The following TMEM255B variants were observed in gnomAD, a reference collection of about 807,000 sequenced individuals.
The protein encoded by TMEM255B is family with sequence similarity 70, member B.
Under a neutral mutation model 34.5 loss-of-function variants are expected in TMEM255B, and 35 were observed. That is an observed-to-expected ratio of 1.01 (90% CI 0.77 to 1.34). TMEM255B has a LOEUF of 1.34. TMEM255B is among the 40% of genes most tolerant of loss of function. The probability of loss-of-function intolerance (pLI) is 0.00; values close to 1 mark genes in which losing one functional copy is unlikely to be tolerated. For missense variants in TMEM255B, 432 were observed against 433.2 expected, an observed-to-expected ratio of 1.00 and a Z score of 0.02; for synonymous variants, 206 against 201.2, an observed-to-expected ratio of 1.02 and a Z score of -0.20.
chr13:113,801,249 C>T (rs931785972), intron 6 of TMEM255B, among the ~76,000 whole-genome samples: 9 of 152,226 alleles, frequency 5.9e-5, no homozygotes, highest in Non-Finnish European at 8.8e-5. Context: ...CCGTGTGTGT[C>T]GGGCGAGAGT....
intron 2 of TMEM255B, among the ~76,000 whole-genome samples, chr13:113,767,505 G>A (rs1188632573): frequency 6.6e-6 from 1 of 152,092 alleles, no homozygotes; most frequent in African/African-American, 2.4e-5. Flanking sequence ...TTTTTGGTTT[G>A]TCCTCAAGCT....
chr13:113,804,223 T>C (rs1461898015), intron 7 of TMEM255B, among the ~76,000 whole-genome samples: 1 of 152,040 alleles, frequency 6.6e-6, no homozygotes, highest in African/African-American at 2.4e-5. Context: ...AGCACCTTCT[T>C]TGGAGAATTT....
intron 8 of TMEM255B, among the ~76,000 whole-genome samples, chr13:113,808,811 T>G (rs1475274814): frequency 3.1e-5 from 3 of 96,126 alleles, no homozygotes; most frequent in Non-Finnish European, 5.9e-5. Flanking sequence ...GGTTACTCCA[T>G]GTTTCCTGGG....
At chr13:113,778,168 A>AGAACC (rs1272527380) in intron 3 of TMEM255B, among the ~76,000 whole-genome samples, 6 of 152,256 alleles carry the variant, frequency 3.9e-5, no homozygotes, top group Non-Finnish European at 8.8e-5. Context: ...CCTGTCTGGC[A>AGAACC]GAACCCTGCA....
At chr13:113,774,578 ACAC>A (rs762498067) in intron 3 of TMEM255B, among the ~76,000 whole-genome samples, 1 of 106,274 alleles carries the variant, frequency 9.4e-6, no homozygotes, top group Non-Finnish European at 2.0e-5. Flanking sequence ...CACATGACAC[ACAC>A]ACCACACAAC....
chr13:113,798,378 G>GGATGGAT (rs962087980), intron 4 of TMEM255B, among the ~76,000 whole-genome samples: 1 of 151,778 alleles, frequency 6.6e-6, no homozygotes, highest in African/African-American at 2.4e-5. Context: ...GATGGATAAT[G>GGATGGAT]GATGGATGAT....
chr13:113,763,469 C>T (rs2050340004), intron 1 of TMEM255B, among the ~76,000 whole-genome samples: 1 of 152,198 alleles, frequency 6.6e-6, no homozygotes, highest in Admixed American at 6.5e-5. Context: ...GATCTGTCGC[C>T]ATCGCTCCTG....
intron 3 of TMEM255B, among the ~76,000 whole-genome samples, chr13:113,772,995 T>C (rs960793985): frequency 6.6e-6 from 1 of 152,122 alleles, no homozygotes; most frequent in African/African-American, 2.4e-5. Context: ...TAGGGAGTGT[T>C]ACCATCTTAA....
At chr13:113,808,540 G>T (rs1327217098) in intron 8 of TMEM255B, among the ~76,000 whole-genome samples, 2 of 150,668 alleles carry the variant, frequency 1.3e-5, no homozygotes, top group Non-Finnish European at 2.9e-5. Context: ...TTACTTTGTG[G>T]TCCTGGGGGG....
intron 7 of TMEM255B, chr13:113,802,936 A>G (rs1426932618): frequency 2.0e-5 from 3 of 147,844 alleles, no homozygotes; most frequent in Admixed American, 1.3e-4. Context: ...TGGGGTCGGG[A>G]AGGGTCTCTG....
chr13:113,768,749 C>A, intron 2 of TMEM255B: 1 of 427,984 alleles, frequency 2.3e-6, no homozygotes. Flanking sequence ...CATCTCAGGC[C>A]TGGAGAAGAC....
intron 8 of TMEM255B, among the ~76,000 whole-genome samples, chr13:113,805,799 C>T (rs992592056): frequency 1.3e-5 from 2 of 152,168 alleles, no homozygotes; most frequent in Non-Finnish European, 2.9e-5. Flanking sequence ...CGTGTGCCCC[C>T]GGGGACACAG....
At position 113,779,862 on chromosome 13, in the gene TMEM255B, A is replaced by G. The variant is rs544649813; in HGVS notation, c.252+10702A>G. Among the ~76,000 whole-genome samples, 18 of 152,370 alleles carry G rather than the reference A, an allele frequency of 1.2e-4. No homozygotes were observed. The South Asian group carries it at 3.7e-3, about 32-fold the overall frequency. On this transcript the variant is annotated intron_variant, in intron 3 of 8. Transcript: ENST00000375353. The stretch of plus-strand genomic sequence containing the variant: ...CTGGAATTTTAACAACAGGTGTGCT[A>G]TAGTTTTTGAAACAATTTTCTCTCT...
At position 113,812,377 on chromosome 13, in the gene TMEM255B, C is replaced by T. The variant is rs1227936064; in HGVS notation, c.*474C>T. ...CCTCGTGCTGTGCTCCTGACGTATG[C>T]CAGGAAGGGAAGGACGCTTCGGCTC... On this transcript the variant is annotated 3_prime_UTR_variant, in exon 9 of 9. Coordinates refer to ENST00000375353, the MANE Select transcript of TMEM255B (RefSeq NM_182614.4). 1.9e-5 allele frequency: 3 copies of T among 161,760 alleles called. No individual in the cohort carries two copies. The highest frequency in any genetic ancestry group is 2.7e-5 in the Non-Finnish European group (2 of 73,928). 10.0% of individuals were successfully genotyped at this position (161,760 alleles called of 1,614,324 possible).
intron 8 of TMEM255B, among the ~76,000 whole-genome samples, chr13:113,811,404 G>A (rs2051302428): frequency 7.1e-6 from 1 of 140,874 alleles, no homozygotes; most frequent in African/African-American, 2.7e-5. Context: ...ACGTAAGAGT[G>A]GCCCTGGGTC....
intron 1 of TMEM255B, among the ~76,000 whole-genome samples, chr13:113,759,542 C>G (rs2050259496): frequency 6.9e-6 from 1 of 143,976 alleles, no homozygotes; most frequent in Non-Finnish European, 1.5e-5. Flanking sequence ...CTCCCTGTCT[C>G]TCTCTCTGTC....
intron 2 of TMEM255B, among the ~76,000 whole-genome samples, chr13:113,767,814 G>C (rs2050413827): frequency 6.6e-6 from 1 of 152,204 alleles, no homozygotes; most frequent in African/African-American, 2.4e-5. Context: ...TTCAAGAAAG[G>C]TGTGGTTTTT....
chr13:113,795,470 ACCACAACAGAGCACAGAGCACACACAC>A (rs2050905739), intron 4 of TMEM255B, among the ~76,000 whole-genome samples: 1 of 148,518 alleles, frequency 6.7e-6, no homozygotes. Flanking sequence ...CACAGCACAC[ACCACAACAGAGCACAGAGCACACACAC>A]CACAACAGAG....
At position 113,766,276 on chromosome 13, in the gene TMEM255B, C is replaced by T. The variant is rs373772307; in HGVS notation, c.189+19C>T. The stretch of plus-strand genomic sequence containing the variant: ...GATCATTGTGAGTGCGCCGGGCGGG[C>T]GGCCTGGGCCGGGGAGGGCAGGGTG... On this transcript the variant is annotated intron_variant, in intron 2 of 8. Coordinates refer to ENST00000375353, the MANE Select transcript of TMEM255B (RefSeq NM_182614.4). 75 of 1,613,044 alleles carry T rather than the reference C, an allele frequency of 4.6e-5. No individual in the cohort carries two copies. The highest frequency in any genetic ancestry group is 5.3e-5 in the African/African-American group (4 of 74,918).
Sources: allele counts gnomAD v4.1 joint callset (sites outside exome capture counted in the v4.1 genomes callset), GRCh38; gene constraint gnomAD v4.1.1; transcripts MANE v1.5; gene names NCBI Gene and HGNC (gene_info 2026-07-23, HGNC 2026-07-21).